The following VWC2 variants were observed in gnomAD, a reference collection of about 807,000 sequenced individuals.
VWC2 encodes brorin.
In VWC2, 14 loss-of-function variants were observed where a neutral mutation model predicts 29.8. The ratio of observed to expected loss-of-function variants is 0.47; its 90% CI spans 0.31 to 0.74. VWC2 has a LOEUF of 0.74. VWC2 is among the 30% of genes least tolerant of loss of function. The probability of loss-of-function intolerance (pLI) is 0.05; values close to 1 mark genes in which losing one functional copy is unlikely to be tolerated. For synonymous variants in VWC2, 213 were observed against 199.0 expected, an observed-to-expected ratio of 1.07 and a Z score of -0.59; for missense variants, 457 against 459.8, an observed-to-expected ratio of 0.99 and a Z score of 0.05.
At chr7:49,782,313 C>T (rs1188346567) in intron 2 of VWC2, among the ~76,000 whole-genome samples, 1 of 152,084 alleles carries the variant, frequency 6.6e-6, no homozygotes, top group Non-Finnish European at 1.5e-5. Flanking sequence ...TGAAAATTCA[C>T]CTTAGAAAAT....
intron 3 of VWC2, among the ~76,000 whole-genome samples, chr7:49,904,736 A>AAT (rs1554343419): frequency 1.4e-5 from 2 of 139,010 alleles, no homozygotes; most frequent in African/African-American, 5.3e-5. Context: ...GCATATATTA[A>AAT]TTTTTTTTTT....
At chr7:49,858,327 T>A (rs926993864) in intron 3 of VWC2, among the ~76,000 whole-genome samples, 2 of 151,978 alleles carry the variant, frequency 1.3e-5, no homozygotes, top group African/African-American at 4.8e-5. Flanking sequence ...AATGATAGAC[T>A]GGATTAAGAA....
At position 49,916,118 on chromosome 7, in the gene VWC2, C is replaced by T. The variant is rs896912999; in HGVS notation, c.*3933C>T. ...CACAGATTAAACAGCCTACTTATGT[C>T]ATATCCTCACTTCACACCAACTTCT... On this transcript the variant is annotated 3_prime_UTR_variant, in exon 4 of 4. Coordinates refer to ENST00000340652, the MANE Select transcript of VWC2 (RefSeq NM_198570.5). The T allele has an allele frequency of 3.9e-5, 6 of 152,214 alleles. No homozygotes were observed. Among genetic ancestry groups the T allele is most frequent in the African/African-American group, 1.4e-4 (6 of 41,452 alleles). The allele number at this position is 152,214 out of a possible 1,614,324, so 9.4% of individuals were successfully genotyped here.
At chr7:49,808,284 T>A (rs1788922226) in intron 3 of VWC2, among the ~76,000 whole-genome samples, 2 of 151,978 alleles carry the variant, frequency 1.3e-5, no homozygotes, top group South Asian at 4.1e-4. Flanking sequence ...TAAAAGGCAG[T>A]CAAGGAGGAA....
At chr7:49,899,336 A>T (rs990536783) in intron 3 of VWC2, among the ~76,000 whole-genome samples, 3 of 152,042 alleles carry the variant, frequency 2.0e-5, no homozygotes, top group African/African-American at 7.2e-5. Context: ...GTGCAAAAAA[A>T]TTAAAGTTTA....
chr7:49,897,193 C>A (rs1414814976), intron 3 of VWC2, among the ~76,000 whole-genome samples: 1 of 152,118 alleles, frequency 6.6e-6, no homozygotes, highest in Non-Finnish European at 1.5e-5. Flanking sequence ...CCGCGCCCGG[C>A]CGGATTGATA....
At chr7:49,894,474 G>T (rs1792282410) in intron 3 of VWC2, among the ~76,000 whole-genome samples, 1 of 152,164 alleles carries the variant, frequency 6.6e-6, no homozygotes, top group Admixed American at 6.5e-5. Context: ...ACCATCCCTT[G>T]TTATAAAAAT....
chr7:49,889,737 T>C (rs1792051666), intron 3 of VWC2, among the ~76,000 whole-genome samples: 1 of 152,184 alleles, frequency 6.6e-6, no homozygotes, highest in Non-Finnish European at 1.5e-5. Flanking sequence ...AAAGAACTTA[T>C]TGGAAATAAA....
chr7:49,889,510 T>C (rs1447364443), intron 3 of VWC2, among the ~76,000 whole-genome samples: 2 of 152,066 alleles, frequency 1.3e-5, no homozygotes, highest in South Asian at 2.1e-4. Flanking sequence ...TTGAAATGGG[T>C]CCAGTGAAAG....
chr7:49,888,941 A>T (rs551907426), intron 3 of VWC2, among the ~76,000 whole-genome samples: 1 of 152,026 alleles, frequency 6.6e-6, no homozygotes, highest in Non-Finnish European at 1.5e-5. Context: ...ACAAAAAAAA[A>T]CAAAAGAAGT....
chr7:49,822,425 T>G (rs979077582), intron 3 of VWC2, among the ~76,000 whole-genome samples: 5 of 152,050 alleles, frequency 3.3e-5, no homozygotes, highest in African/African-American at 1.2e-4. Flanking sequence ...TGTCTCACTG[T>G]GGGTTTTTGT....
intron 2 of VWC2, among the ~76,000 whole-genome samples, chr7:49,802,057 G>A (rs1206488166): frequency 6.6e-6 from 1 of 152,210 alleles, no homozygotes; most frequent in Admixed American, 6.5e-5. Flanking sequence ...GGATGGGCAA[G>A]AACTCAGCAG....
intron 3 of VWC2, among the ~76,000 whole-genome samples, chr7:49,854,474 C>G (rs958665216): frequency 1.3e-5 from 2 of 152,112 alleles, no homozygotes; most frequent in Non-Finnish European, 2.9e-5. Context: ...TGATGATGAG[C>G]ATTTTTTCAT....
chr7:49,850,800 G>A lies in VWC2; in HGVS notation c.826+47960G>A, dbSNP rs184971135. Among the ~76,000 whole-genome samples, 87 of 152,264 alleles carry A rather than the reference G, an allele frequency of 5.7e-4. 1 individual carries two copies. The highest frequency in any genetic ancestry group is 1.7e-3 in the African/African-American group (70 of 41,546). ...TTACATCATGGGTACAGTGAGCTCC[G>A]TGTATTTACTCAGCAAGCATGTACT... On this transcript the variant is annotated intron_variant, in intron 3 of 3. Transcript: ENST00000340652.
intron 3 of VWC2, among the ~76,000 whole-genome samples, chr7:49,870,610 C>A (rs1442907846): frequency 6.6e-6 from 1 of 152,134 alleles, no homozygotes; most frequent in Non-Finnish European, 1.5e-5. Flanking sequence ...TTCACACCTG[C>A]ACAGGGAAGC....
chr7:49,877,481 A>AAAAAAATACATAT, intron 3 of VWC2, among the ~76,000 whole-genome samples: 1 of 12,722 alleles, frequency 7.9e-5, no homozygotes, highest in African/African-American at 2.8e-4. Flanking sequence ...AAAAAAAAAA[A>AAAAAAATACATAT]ATATATATAT....
intron 3 of VWC2, among the ~76,000 whole-genome samples, chr7:49,871,032 T>C (rs534804393): frequency 6.6e-6 from 1 of 152,140 alleles, no homozygotes; most frequent in Non-Finnish European, 1.5e-5. Context: ...TGAAAAGTAT[T>C]CCACAGAACC....
intron 3 of VWC2, among the ~76,000 whole-genome samples, chr7:49,873,180 G>A (rs1182313156): frequency 3.3e-5 from 5 of 152,136 alleles, no homozygotes; most frequent in East Asian, 1.9e-4. Context: ...TGGTCTGTTC[G>A]GGCTGCTATA....
At chr7:49,802,637 C>CA in intron 2 of VWC2, 74 bp from the exon 3 acceptor site, 3 of 1,584,886 alleles carry the variant, frequency 1.9e-6, no homozygotes, top group Non-Finnish European at 8.6e-7. Flanking sequence ...GACTCCATTT[C>CA]AAAAAAATAT....
Sources: gnomAD v4.1 joint callset for allele counts (sites outside exome capture counted in the v4.1 genomes callset) on GRCh38, gnomAD v4.1.1 for gene constraint, MANE v1.5 for transcripts, NCBI Gene and HGNC (gene_info 2026-07-23, HGNC 2026-07-21) for gene names.